LPP: variants seen among roughly 807,000 people sequenced by gnomAD.
The protein encoded by LPP is LIM domain containing preferred translocation partner in lipoma, also known as lipoma-preferred partner.
LPP carries 38 observed loss-of-function variants against 60.4 expected under a neutral mutation model. The observed-to-expected ratio is 0.63, with a 90% CI of 0.49 to 0.83. The LOEUF is 0.83. LPP is among the 40% of genes least tolerant of loss of function. The probability of loss-of-function intolerance (pLI) is 0.00; values close to 1 mark genes in which losing one functional copy is unlikely to be tolerated. For synonymous variants in LPP, 328 were observed against 290.8 expected (o/e 1.13, Z -1.30); for missense variants, 902 against 783.6 (o/e 1.15, Z -1.80).
At chr3:188,318,883 C>T (rs1319288047) in intron 2 of LPP, among the ~76,000 whole-genome samples, 2 of 149,738 alleles carry the variant, frequency 1.3e-5, no homozygotes, top group East Asian at 2.0e-4. Context: ...CTCAGCCTCC[C>T]AAGTAGCTGG....
chr3:188,582,509 T>A (rs1261490606), intron 6 of LPP, among the ~76,000 whole-genome samples: 1 of 151,874 alleles, frequency 6.6e-6, no homozygotes, highest in Non-Finnish European at 1.5e-5. Flanking sequence ...TGGTGGGGCT[T>A]GGGGAGGGGT....
At chr3:188,263,142 T>C (rs1001134187) in intron 2 of LPP, among the ~76,000 whole-genome samples, 8 of 152,330 alleles carry the variant, frequency 5.3e-5, no homozygotes, top group African/African-American at 1.7e-4. Context: ...GGAAATCAGA[T>C]GGGAACAAAC....
At chr3:188,594,468 G>GA (rs1193653812) in intron 6 of LPP, among the ~76,000 whole-genome samples, 1 of 152,116 alleles carries the variant, frequency 6.6e-6, no homozygotes, top group Non-Finnish European at 1.5e-5. Context: ...CTGGAATTCT[G>GA]AAAAAATTCT....
chr3:188,857,768 C>G (rs1395409241), intron 9 of LPP, among the ~76,000 whole-genome samples: 1 of 151,978 alleles, frequency 6.6e-6, no homozygotes, highest in Non-Finnish European at 1.5e-5. Context: ...TACACAATTC[C>G]TTAGATAATC....
intron 2 of LPP, among the ~76,000 whole-genome samples, chr3:188,338,629 A>G (rs112850209): frequency 3.7e-4 from 56 of 152,226 alleles, no homozygotes; most frequent in African/African-American, 1.3e-3. Context: ...TCCCCATTTC[A>G]TTATTCTTTT....
At chr3:188,755,368 T>G (rs1183258224) in intron 8 of LPP, among the ~76,000 whole-genome samples, 1 of 152,090 alleles carries the variant, frequency 6.6e-6, no homozygotes, top group Non-Finnish European at 1.5e-5. Flanking sequence ...TGGTCCTGCC[T>G]CAAAACAAGC....
chr3:188,513,984 C>A (rs1438728068), intron 5 of LPP, among the ~76,000 whole-genome samples: 1 of 152,148 alleles, frequency 6.6e-6, no homozygotes, highest in Non-Finnish European at 1.5e-5. Context: ...AAGGTGCATA[C>A]CCTCATTTTT....
At chr3:188,643,340 C>G (rs1206670040) in intron 7 of LPP, among the ~76,000 whole-genome samples, 1 of 152,054 alleles carries the variant, frequency 6.6e-6, no homozygotes, top group Non-Finnish European at 1.5e-5. Context: ...TTTTAAGCTC[C>G]AAGACTGTCA....
chr3:188,542,623 A>C (rs1411433721), intron 6 of LPP, among the ~76,000 whole-genome samples: 1 of 152,180 alleles, frequency 6.6e-6, no homozygotes, highest in Non-Finnish European at 1.5e-5. Flanking sequence ...ATATATTATG[A>C]ATTTTTCTCA....
At chr3:188,862,736 TAAAAGAAAAAAG>T (rs1404856431) in intron 9 of LPP, among the ~76,000 whole-genome samples, 1 of 114,672 alleles carries the variant, frequency 8.7e-6, no homozygotes, top group Non-Finnish European at 1.7e-5. Flanking sequence ...AATAAATAAA[TAAAAGAAAAAAG>T]AAAAGAAAGA....
chr3:188,689,886 C>CA (rs1861708916), intron 7 of LPP, among the ~76,000 whole-genome samples: 1 of 151,118 alleles, frequency 6.6e-6, no homozygotes, highest in Non-Finnish European at 1.5e-5. Flanking sequence ...GTCCCATTGA[C>CA]ACATGATGGT....
chr3:188,344,188 T>C (rs1037986860), intron 3 of LPP, among the ~76,000 whole-genome samples: 5 of 152,222 alleles, frequency 3.3e-5, no homozygotes, highest in African/African-American at 1.2e-4. Flanking sequence ...TTAGCAAGGA[T>C]GAATAATACC....
intron 1 of LPP, among the ~76,000 whole-genome samples, chr3:188,175,487 A>T (rs1188350243): frequency 6.6e-6 from 1 of 152,220 alleles, no homozygotes; most frequent in Non-Finnish European, 1.5e-5. Flanking sequence ...GCACTATTTC[A>T]GCAGTAAACA....
At chr3:188,319,564 G>A (rs879774463) in intron 2 of LPP, among the ~76,000 whole-genome samples, 2 of 152,112 alleles carry the variant, frequency 1.3e-5, no homozygotes, top group African/African-American at 4.8e-5. Flanking sequence ...ATCTTGTATT[G>A]TAGTTCATTG....
At chr3:188,294,142 G>A (rs1423180348) in intron 2 of LPP, among the ~76,000 whole-genome samples, 2 of 150,756 alleles carry the variant, frequency 1.3e-5, no homozygotes, top group Non-Finnish European at 2.9e-5. Flanking sequence ...CCCACAATAG[G>A]CAAATCTATA....
intron 3 of LPP, among the ~76,000 whole-genome samples, chr3:188,359,220 G>A (rs956542668): frequency 6.6e-6 from 1 of 152,202 alleles, no homozygotes; most frequent in Non-Finnish European, 1.5e-5. Context: ...CCTTTTGAAA[G>A]AAGTTAGAGC....
intron 2 of LPP, among the ~76,000 whole-genome samples, chr3:188,325,532 A>G (rs976950184): frequency 6.6e-6 from 1 of 152,078 alleles, no homozygotes; most frequent in African/African-American, 2.4e-5. Flanking sequence ...CTTGCTTTAT[A>G]GTCTACAAAG....
chr3:188,591,661 A>G (rs908256968), intron 6 of LPP, among the ~76,000 whole-genome samples: 1 of 152,138 alleles, frequency 6.6e-6, no homozygotes, highest in African/African-American at 2.4e-5. Context: ...TCATAAGCAT[A>G]TGGCTGCCAG....
At chr3:188,604,467 C>T (rs933680262) in intron 6 of LPP, among the ~76,000 whole-genome samples, 4 of 151,912 alleles carry the variant, frequency 2.6e-5, no homozygotes, top group Non-Finnish European at 5.9e-5. Flanking sequence ...AAAATGAAAA[C>T]AAGTACCTCA....
Sources: gnomAD v4.1 joint callset for allele counts (sites outside exome capture counted in the v4.1 genomes callset) on GRCh38, gnomAD v4.1.1 for gene constraint, MANE v1.5 for transcripts, NCBI Gene and HGNC (gene_info 2026-07-23, HGNC 2026-07-21) for gene names.